The following CNTNAP1 variants were observed in gnomAD, a reference collection of about 807,000 sequenced individuals.
CNTNAP1 encodes contactin-associated protein 1.
CNTNAP1 carries 80 observed loss-of-function variants against 161.5 expected under a neutral mutation model. The ratio of observed to expected loss-of-function variants is 0.50; its 90% CI spans 0.41 to 0.60. CNTNAP1 has a LOEUF of 0.60. Ranked by LOEUF, CNTNAP1 falls within the 20% of genes least tolerant of loss-of-function variation. CNTNAP1 has a pLI of 0.00. For synonymous variants in CNTNAP1, 695 were observed against 733.1 expected (o/e 0.95, Z 0.84); for missense variants, 1,464 against 1,854.8 (o/e 0.79, Z 3.87).
chr17:42,684,740 A>G (rs1241465851), intron 3 of CNTNAP1, among the ~76,000 whole-genome samples: 1 of 152,000 alleles, frequency 6.6e-6, no homozygotes, highest in Non-Finnish European at 1.5e-5. Flanking sequence ...CCTGGCCAAC[A>G]TGGTGAAACC....
Position 42,690,836 on chromosome 17 carries a change from C to T in CNTNAP1, c.1953C>T (p.Tyr651=), listed in dbSNP as rs529030546. The T allele has an allele frequency of 8.1e-6, 13 of 1,614,238 alleles. No individual in the cohort carries two copies. In the Admixed American group the frequency reaches 1.3e-4, roughly 17 times the overall value. Residue 651 remains tyrosine, a synonymous_variant, in exon 13 of 24, where the codon TAC becomes TAT. Transcript: ENST00000264638. ...GGCCATTCCTGGGGGCTATCCAGTA[C>T]TGGAATGCATCCTGGGAGGAAGTCA... The part of the protein sequence containing the change: ...MERPFLGAIQ[Y]WNASWEEVSA...
In CNTNAP1 at chr17:42,685,242, C is replaced by G; in HGVS notation, c.537C>G (p.Gly179=). The G allele has an allele frequency of 6.2e-7, 1 of 1,613,772 alleles. No individual in the cohort carries two copies. Among genetic ancestry groups the G allele is most frequent in the South Asian group, 1.1e-5 (1 of 91,090 alleles). ...AGGCCGACATACTCTATTTCGACGG[C>G]GACGATGCCATCTCCTACCGCTTCC... is the stretch of plus-strand genomic sequence containing the variant. ...PYKADILYFD[G]DDAISYRFPR... The change falls in exon 5 of 24, where the codon GGC becomes GGG. Residue 179 remains glycine, a synonymous_variant. Coordinates refer to ENST00000264638, the MANE Select transcript of CNTNAP1 (RefSeq NM_003632.3). The surrounding 1 kb of genome is among the most constrained non-coding windows in gnomAD (Gnocchi z 5.0).
At chr17:42,694,474 A>G (rs1292840212) in intron 18 of CNTNAP1, among the ~76,000 whole-genome samples, 1 of 151,932 alleles carries the variant, frequency 6.6e-6, no homozygotes, top group Non-Finnish European at 1.5e-5. Context: ...GCCTGGCAAA[A>G]TTTTTTAATT....
intron 20 of CNTNAP1, 103 bp from the exon 21 acceptor site, chr17:42,697,171 C>T: frequency 2.4e-6 from 2 of 844,308 alleles, no homozygotes; most frequent in Admixed American, 1.8e-5. Context: ...GTATCTGCCC[C>T]CAAGTATATT....
Position 42,687,048 on chromosome 17 carries a change from C to G in CNTNAP1, c.1044+2C>G, listed in dbSNP as rs753877813. On this transcript the variant is annotated splice_donor_variant, in intron 7 of 23. Coordinates refer to ENST00000264638, the MANE Select transcript of CNTNAP1 (RefSeq NM_003632.3). LOFTEE classifies it high-confidence loss of function. The surrounding 1 kb of genome is among the most constrained non-coding windows in gnomAD (Gnocchi z 4.7). ...CGCCATTCCCGGATCACCTTCGAGGCCAGTGGGCAGGGGGGTCTGGGAGGA... is the reference window on the plus strand; with the variant it reads ...CGCCATTCCCGGATCACCTTCGAGGGCAGTGGGCAGGGGGGTCTGGGAGGA... The G allele has an allele frequency of 6.2e-7, 1 of 1,611,294 alleles. No individual in the cohort carries two copies.
Position 42,695,654 on chromosome 17 carries a change from C to A in CNTNAP1, c.3126C>A (p.Gly1042=), listed in dbSNP as rs1318327303. The A allele has an allele frequency of 1.9e-6, 3 of 1,614,030 alleles. No individual in the cohort carries two copies. The highest frequency in any genetic ancestry group is 2.7e-5 in the African/African-American group (2 of 74,916). Residue 1042 remains glycine (G), a synonymous_variant, in exon 19 of 24, where the codon GGC becomes GGA. Coordinates refer to ENST00000264638, the MANE Select transcript of CNTNAP1 (RefSeq NM_003632.3). ...GCTATGAGCCTGGCTACATCCCGGGCTATGATACTCCGGGCTATGTGCCTG... is the reference window on the plus strand; with the variant it reads ...GCTATGAGCCTGGCTACATCCCGGGATATGATACTCCGGGCTATGTGCCTG... ...VPGYEPGYIP[G]YDTPGYVPGY... is the part of the protein sequence containing the mutation.
intron 16 of CNTNAP1, 80 bp downstream of exon 16, chr17:42,692,071 C>A: frequency 1.4e-6 from 2 of 1,453,530 alleles, no homozygotes; most frequent in African/African-American, 1.4e-5. Context: ...GGGGTTGGAG[C>A]CAAGGGCAGA....
rs771483542 is a variant in CNTNAP1 at position 42,685,152 on chromosome 17, G to C, written c.511+14G>C. 1.2e-6 allele frequency: 2 copies of C among 1,603,800 alleles called. No homozygotes were observed. The highest frequency in any genetic ancestry group is 1.1e-5 in the South Asian group (1 of 90,140). On this transcript the variant is annotated intron_variant, in intron 4 of 23. Coordinates refer to ENST00000264638, the MANE Select transcript of CNTNAP1 (RefSeq NM_003632.3). This position sits in a 1 kb window ranked among gnomAD's most constrained non-coding sequence, Gnocchi z 5.0. ...GCTGCCCATACAGTAAGTGTGCAGAGAGCGCGGAGGGGGCCTGGGAGACAG... is the reference window on the plus strand; with the variant it reads ...GCTGCCCATACAGTAAGTGTGCAGACAGCGCGGAGGGGGCCTGGGAGACAG...
intron 16 of CNTNAP1, 117 bp from the exon 17 acceptor site, chr17:42,692,382 A>G (rs963250414): frequency 4.1e-5 from 34 of 832,966 alleles, no homozygotes; most frequent in Non-Finnish European, 6.0e-5. Context: ...GACAAATTGG[A>G]GGGATATTCA....
Position 42,690,757 on chromosome 17 carries a change from T to C in CNTNAP1, c.1874T>C (p.Val625Ala). 6.2e-7 allele frequency: 1 copy of C among 1,614,038 alleles called. No homozygotes were observed. The highest frequency in any genetic ancestry group is 8.5e-7 in the Non-Finnish European group (1 of 1,179,998). The change falls in exon 13 of 24, where the codon GTT becomes GCT. Residue 625 changes from valine (V) to alanine (A), a missense_variant. Val to Ala is a moderately conservative substitution (Grantham distance 64, BLOSUM62 0). This residue lies in a region of CNTNAP1 where 1,383 missense variants were observed against 1,765.0 expected (regional missense o/e 0.78). Coordinates refer to ENST00000264638, the MANE Select transcript of CNTNAP1 (RefSeq NM_003632.3). Reference sequence around the variant, plus strand: ...CTGCCAGAGAACCGAGCGTGGACAGTTGTGCGGCATGACAGGCTGTGGACA... The same window carrying C: ...CTGCCAGAGAACCGAGCGTGGACAGCTGTGCGGCATGACAGGCTGTGGACA... Reference protein sequence around the residue: ...CDIRENRAWTVVRHDRLWTTR... With the variant: ...CDIRENRAWTAVRHDRLWTTR...
chr17:42,692,485 A>G lies in CNTNAP1; in HGVS notation c.2531-14A>G. The G allele has an allele frequency of 1.2e-6, 2 of 1,611,018 alleles. No homozygotes were observed. Among genetic ancestry groups the G allele is most frequent in the Non-Finnish European group, 1.7e-6 (2 of 1,177,574 alleles). On this transcript the variant is annotated splice_polypyrimidine_tract_variant and intron_variant, in intron 16 of 23. Coordinates refer to ENST00000264638, the MANE Select transcript of CNTNAP1 (RefSeq NM_003632.3). ...TGAGTCCTTTTCTCCCCTACCCTGC[A>G]TCACACTGTCCAGCATCCCGGGATG...
chr17:42,690,456 G>A (rs1346120625), intron 12 of CNTNAP1, among the ~76,000 whole-genome samples: 1 of 151,494 alleles, frequency 6.6e-6, no homozygotes, highest in Admixed American at 6.6e-5. Flanking sequence ...CCTGGGAGGT[G>A]GAGGTTGCAG....
rs2052985949 is a variant in CNTNAP1, at chr17:42,685,020, G to T, written c.393G>T (p.Ala131=). Residue 131 remains alanine, a synonymous_variant, in exon 4 of 24, where the codon GCG becomes GCT. Coordinates refer to ENST00000264638, the MANE Select transcript of CNTNAP1 (RefSeq NM_003632.3). This position sits in a 1 kb window ranked among gnomAD's most constrained non-coding sequence, Gnocchi z 5.0. ...TCTTTGGTAACGTGAACGAGTCGGC[G>T]GTGGTGCGCCATGACCTGCACTTCC... ...STFFGNVNES[A]VVRHDLHFHF... The T allele has an allele frequency of 6.2e-7, 1 of 1,602,340 alleles. No homozygotes were observed. The highest frequency in any genetic ancestry group is 8.5e-7 in the Non-Finnish European group (1 of 1,175,910).
Position 42,687,031 on chromosome 17 carries a change from C to T in CNTNAP1, c.1029C>T (p.Ser343=), listed in dbSNP as rs767097631. 2 of 1,613,026 alleles carry T rather than the reference C, an allele frequency of 1.2e-6. No homozygotes were observed. The highest frequency in any genetic ancestry group is 1.7e-5 in the Admixed American group (1 of 59,990). ...NIADLAVRRH[S]RITFEGKVAF... The stretch of plus-strand genomic sequence containing the variant: ...CAGACCTGGCCGTGCGGCGCCATTC[C>T]CGGATCACCTTCGAGGCCAGTGGGC... Residue 343 remains serine, a synonymous_variant, in exon 7 of 24, where the codon TCC becomes TCT. Coordinates refer to ENST00000264638, the MANE Select transcript of CNTNAP1 (RefSeq NM_003632.3). The surrounding 1 kb of genome is among the most constrained non-coding windows in gnomAD (Gnocchi z 4.7).
intron 20 of CNTNAP1, 118 bp downstream of exon 20, chr17:42,696,270 T>G (rs1213298017): frequency 3.0e-6 from 4 of 1,329,952 alleles, no homozygotes; most frequent in Non-Finnish European, 3.1e-6. Context: ...ATAGAGGATT[T>G]TCACGTGTGT....
At chr17:42,698,596 T>C (rs78697085) in intron 23 of CNTNAP1, 22 bp from the exon 24 acceptor site, 2 of 1,569,722 alleles carry the variant, frequency 1.3e-6, no homozygotes, top group Non-Finnish European at 1.7e-6. Flanking sequence ...AAGATCTGAA[T>C]TGTCCCTTTT....
At chr17:42,692,909 T>C (rs774419153) in intron 17 of CNTNAP1, among the ~76,000 whole-genome samples, 189 bp downstream of exon 17, 1 of 151,970 alleles carries the variant, frequency 6.6e-6, no homozygotes, top group Non-Finnish European at 1.5e-5. Context: ...TGGCTCCCTT[T>C]CCAACTACAA....
At chr17:42,692,363 C>A in intron 16 of CNTNAP1, 136 bp from the exon 17 acceptor site, 1 of 739,512 alleles carries the variant, frequency 1.4e-6, no homozygotes. Flanking sequence ...AGTTTCAATG[C>A]AAGCTACAGA....
In CNTNAP1 at chr17:42,691,526, C is replaced by T; in HGVS notation, c.2344+15C>T. On this transcript the variant is annotated intron_variant, in intron 15 of 23. Transcript: ENST00000264638. This position sits in a 1 kb window ranked among gnomAD's most constrained non-coding sequence, Gnocchi z 4.3. ...CTATGGCGATCGTGAGTGGCAGTCC[C>T]CTTTTGTGTGCCCTCCCAGAGCTGA... 1.9e-6 allele frequency: 3 copies of T among 1,613,584 alleles called. No individual in the cohort carries two copies. Among genetic ancestry groups the T allele is most frequent in the Non-Finnish European group, 2.5e-6 (3 of 1,179,822 alleles).
Sources: allele counts gnomAD v4.1 joint callset (sites outside exome capture counted in the v4.1 genomes callset), GRCh38; gene constraint gnomAD v4.1.1; regional missense constraint gnomAD v4.1.1; non-coding constraint Gnocchi (gnomAD v3.1); transcripts MANE v1.5; gene names NCBI Gene and HGNC (gene_info 2026-07-23, HGNC 2026-07-21).